NEDD4L: variants seen among roughly 807,000 people sequenced by gnomAD.
NEDD4L encodes the protein NEDD4 like E3 ubiquitin protein ligase.
In NEDD4L, 54 loss-of-function variants were observed where a neutral mutation model predicts 148.9. The ratio of observed to expected loss-of-function variants is 0.36; its 90% CI spans 0.29 to 0.45. The LOEUF (loss-of-function observed/expected upper bound fraction) is 0.45, where lower values mean the gene tolerates loss of function less well. NEDD4L is among the 20% of genes least tolerant of loss of function. The pLI, the probability that NEDD4L is intolerant of heterozygous loss-of-function variation, is 1.00. For synonymous variants in NEDD4L, 433 were observed against 440.7 expected (o/e 0.98, Z 0.22); for missense variants, 856 against 1,233.8 (o/e 0.69, Z 4.59).
chr18:58,271,227 T>C (rs7236804), intron 5 of NEDD4L, among the ~76,000 whole-genome samples: 31,264 of 152,042 alleles, frequency 0.21, 3,419 homozygotes, highest in African/African-American at 0.25. Context: ...TTATCTTCAT[T>C]GGGATTATGC....
chr18:58,085,440 C>A (rs1339599693), intron 1 of NEDD4L, among the ~76,000 whole-genome samples: 2 of 152,138 alleles, frequency 1.3e-5, no homozygotes, highest in Non-Finnish European at 2.9e-5. Context: ...GAAAATTCAT[C>A]TCTGCGCCCT....
chr18:58,228,531 G>T (rs2044648380), intron 2 of NEDD4L, among the ~76,000 whole-genome samples: 2 of 152,246 alleles, frequency 1.3e-5, no homozygotes, highest in South Asian at 4.1e-4. Flanking sequence ...AGTGCAGAGT[G>T]GGTGAGGCAT....
intron 9 of NEDD4L, 62 bp downstream of exon 9, chr18:58,325,224 G>A: frequency 1.3e-6 from 2 of 1,580,722 alleles, no homozygotes; most frequent in Non-Finnish European, 1.7e-6. Flanking sequence ...GGACAAATAT[G>A]GCGGCCCTTT....
intron 1 of NEDD4L, among the ~76,000 whole-genome samples, chr18:58,056,538 C>T (rs551383893): frequency 9.9e-5 from 15 of 152,262 alleles, no homozygotes; most frequent in African/African-American, 3.4e-4. Context: ...TCCAGGGCTT[C>T]TTGGTCCTAG....
intron 2 of NEDD4L, among the ~76,000 whole-genome samples, chr18:58,174,515 A>G (rs1568328838): frequency 6.6e-6 from 1 of 152,080 alleles, no homozygotes; most frequent in Non-Finnish European, 1.5e-5. Flanking sequence ...CTCCCCTTCA[A>G]TGACTTGTAG....
At chr18:58,338,606 A>C (rs1425442826) in intron 13 of NEDD4L, among the ~76,000 whole-genome samples, 1 of 152,214 alleles carries the variant, frequency 6.6e-6, no homozygotes, top group Non-Finnish European at 1.5e-5. Context: ...AGTGCTATTC[A>C]CTGTGGCTGT....
Position 58,107,113 on chromosome 18 carries a change from T to C in NEDD4L, c.49-58675T>C, listed in dbSNP as rs189250319. ...CTTCACATGGTCCTCCTTCTGTGTG[T>C]GACTGTGTCCAAATTTCCTTTCTGT... On this transcript the variant is annotated intron_variant, in intron 1 of 30. Transcript: ENST00000400345. Among the ~76,000 whole-genome samples the C allele has an allele frequency of 2.6e-3, 397 of 152,328 alleles. 4 individuals carry two copies. Among genetic ancestry groups the C allele is most frequent in the African/African-American group, 9.3e-3 (387 of 41,562 alleles).
chr18:58,145,817 A>C (rs1469861384), intron 1 of NEDD4L, among the ~76,000 whole-genome samples: 1 of 152,194 alleles, frequency 6.6e-6, no homozygotes, highest in Non-Finnish European at 1.5e-5. Context: ...CTCTCAGACC[A>C]CCTGTCCCTC....
intron 2 of NEDD4L, among the ~76,000 whole-genome samples, chr18:58,217,847 A>G (rs757799709): frequency 1.3e-5 from 2 of 152,234 alleles, no homozygotes; most frequent in Non-Finnish European, 2.9e-5. Flanking sequence ...GAATCATACT[A>G]TGATATTTTT....
At chr18:58,148,284 G>A (rs2034321099) in intron 1 of NEDD4L, among the ~76,000 whole-genome samples, 1 of 150,478 alleles carries the variant, frequency 6.6e-6, no homozygotes, top group African/African-American at 2.5e-5. Flanking sequence ...TCCTGCCTCA[G>A]CCTCCCGAGT....
chr18:58,057,935 C>T (rs1014019442), intron 1 of NEDD4L, among the ~76,000 whole-genome samples: 2 of 152,246 alleles, frequency 1.3e-5, no homozygotes, highest in Non-Finnish European at 2.9e-5. Flanking sequence ...TGAGCAACTT[C>T]CCCACACTGG....
chr18:58,060,050 C>A (rs1449927464), intron 1 of NEDD4L, among the ~76,000 whole-genome samples: 3 of 140,716 alleles, frequency 2.1e-5, no homozygotes, highest in Non-Finnish European at 4.5e-5. Context: ...TGAGCCAGGA[C>A]TTGAACAAGC....
chr18:58,078,013 G>T (rs909553820), intron 1 of NEDD4L, among the ~76,000 whole-genome samples: 2 of 62,348 alleles, frequency 3.2e-5, no homozygotes, highest in East Asian at 1.1e-3. Context: ...GCTGAGAAAC[G>T]TATTTTTTTT....
intron 1 of NEDD4L, among the ~76,000 whole-genome samples, chr18:58,141,024 G>T (rs562285699): frequency 6.6e-6 from 1 of 152,170 alleles, no homozygotes; most frequent in Non-Finnish European, 1.5e-5. Flanking sequence ...AGAAGCCAGC[G>T]CCAGGCCTGT....
At position 58,396,443 on chromosome 18, in the gene NEDD4L, T is replaced by C. The variant is rs1446682236; in HGVS notation, c.*174T>C. On this transcript the variant is annotated 3_prime_UTR_variant, in exon 31 of 31. Coordinates refer to ENST00000400345, the MANE Select transcript of NEDD4L (RefSeq NM_001144967.3). ...TCGGATGCGGGAACCTGGTCCCAGC[T>C]TGAGTTCCTGCCTTTCCCACCACAA... The C allele has an allele frequency of 1.1e-5, 6 of 535,332 alleles. No individual in the cohort carries two copies. In the Middle Eastern group the frequency reaches 1.5e-3, roughly 137 times the overall value. 33.2% of individuals were successfully genotyped at this position (535,332 alleles called of 1,614,324 possible).
rs569980736 is a variant in NEDD4L, at chr18:58,345,365, T to C, written c.1575+2262T>C. Among the ~76,000 whole-genome samples the C allele has an allele frequency of 3.6e-3, 541 of 152,344 alleles. 3 individuals carry two copies. Among genetic ancestry groups the C allele is most frequent in the Middle Eastern group, 0.014 (4 of 294 alleles). On this transcript the variant is annotated intron_variant, in intron 16 of 30. Coordinates refer to ENST00000400345, the MANE Select transcript of NEDD4L (RefSeq NM_001144967.3). ...GAGCCGGAGGGAAGCATGAAGATAA[T>C]TTGCAACTTAAAAATCTGTTTTGAG...
intron 2 of NEDD4L, among the ~76,000 whole-genome samples, chr18:58,178,598 A>G (rs1286803263): frequency 6.6e-6 from 1 of 152,250 alleles, no homozygotes; most frequent in Admixed American, 6.5e-5. Flanking sequence ...GTAATGTTTA[A>G]TAAGGAATCT....
Position 58,351,045 on chromosome 18 carries a change from A to T in NEDD4L, c.1708A>T (p.Asn570Tyr), listed in dbSNP as rs887793226. The T allele has an allele frequency of 1.9e-6, 3 of 1,588,486 alleles. No homozygotes were observed. Among genetic ancestry groups the T allele is most frequent in the Non-Finnish European group, 2.6e-6 (3 of 1,166,326 alleles). Residue 570 changes from asparagine (N) to tyrosine (Y), a missense_variant and splice_region_variant, in exon 18 of 31, where the codon AAT becomes TAT. Asn to Tyr is a moderately radical substitution (Grantham distance 143). Coordinates refer to ENST00000400345, the MANE Select transcript of NEDD4L (RefSeq NM_001144967.3). ...TGGCCGAACGTTTTATATTGATCATAGTAAGTAGGCGCTGTTATGGACACA... is the reference window on the plus strand; with the variant it reads ...TGGCCGAACGTTTTATATTGATCATTGTAAGTAGGCGCTGTTATGGACACA... ...LDGRTFYIDHNSKITQWEDPR... is the reference protein window; with the variant it reads ...LDGRTFYIDHYSKITQWEDPR...
chr18:58,188,663 A>G (rs1012517723), intron 2 of NEDD4L, among the ~76,000 whole-genome samples: 1 of 152,220 alleles, frequency 6.6e-6, no homozygotes, highest in Non-Finnish European at 1.5e-5. Context: ...CTTTCCATAT[A>G]ACAGCACATT....
Sources: gnomAD v4.1 joint callset for allele counts (sites outside exome capture counted in the v4.1 genomes callset) on GRCh38, gnomAD v4.1.1 for gene constraint, MANE v1.5 for transcripts, NCBI Gene and HGNC (gene_info 2026-07-23, HGNC 2026-07-21) for gene names.